Variants in NRG3 observed in about 807,000 individuals in gnomAD.
NRG3 encodes the protein pro-neuregulin-3, membrane-bound isoform.
Under a neutral mutation model 66.9 loss-of-function variants are expected in NRG3, and 31 were observed. The ratio of observed to expected loss-of-function variants is 0.46; its 90% CI spans 0.35 to 0.63. The LOEUF (loss-of-function observed/expected upper bound fraction) is 0.63, where lower values mean the gene tolerates loss of function less well. NRG3 is among the 20% of genes least tolerant of loss of function. The pLI, the probability that NRG3 is intolerant of heterozygous loss-of-function variation, is 0.00. For synonymous variants in NRG3, 393 were observed against 359.4 expected, an observed-to-expected ratio of 1.09 and a Z score of -1.06; for missense variants, 910 against 878.9, an observed-to-expected ratio of 1.04 and a Z score of -0.45.
intron 1 of NRG3, among the ~76,000 whole-genome samples, chr10:82,081,386 G>A (rs1405323652): frequency 6.6e-6 from 1 of 150,974 alleles, no homozygotes; most frequent in Non-Finnish European, 1.5e-5. Context: ...TTTTTTTCCA[G>A]TTACAGGGAA....
chr10:82,890,856 G>A (rs1036759339), intron 4 of NRG3, among the ~76,000 whole-genome samples: 5 of 152,170 alleles, frequency 3.3e-5, no homozygotes, highest in Admixed American at 1.3e-4. Context: ...TTTGTGTGTA[G>A]TGATATCTTA....
At chr10:82,312,797 C>T (rs1238953126) in intron 1 of NRG3, among the ~76,000 whole-genome samples, 2 of 151,574 alleles carry the variant, frequency 1.3e-5, no homozygotes, top group Non-Finnish European at 2.9e-5. Flanking sequence ...TCTATTTGTA[C>T]AGCATTAGTA....
chr10:82,792,652 TA>T (rs2060631770), intron 3 of NRG3, among the ~76,000 whole-genome samples: 1 of 152,034 alleles, frequency 6.6e-6, no homozygotes, highest in South Asian at 2.1e-4. Flanking sequence ...ATGATTTAAT[TA>T]TTTTTTTATT....
chr10:82,220,476 T>C (rs370338961), intron 1 of NRG3, among the ~76,000 whole-genome samples: 64 of 152,084 alleles, frequency 4.2e-4, no homozygotes, highest in African/African-American at 1.4e-3. Flanking sequence ...TGAAATCAAG[T>C]GTATTGTGTT....
chr10:82,968,123 T>C (rs1165562322), intron 6 of NRG3, among the ~76,000 whole-genome samples: 1 of 152,214 alleles, frequency 6.6e-6, no homozygotes, highest in East Asian at 1.9e-4. Context: ...TTTTTCTTAT[T>C]GCTAGGACAG....
At chr10:82,131,000 C>T (rs1373038142) in intron 1 of NRG3, among the ~76,000 whole-genome samples, 1 of 152,042 alleles carries the variant, frequency 6.6e-6, no homozygotes, top group African/African-American at 2.4e-5. Flanking sequence ...GTTGTCAATT[C>T]ACTTTGTTGA....
chr10:82,330,350 A>C lies in NRG3; in HGVS notation c.824-28389A>C, dbSNP rs558907901. 3.2e-4 allele frequency among the ~76,000 whole-genome samples: 48 copies of C among 148,326 alleles called. No individual in the cohort carries two copies. In the Middle Eastern group the frequency reaches 0.017, roughly 54 times the overall value. On this transcript the variant is annotated intron_variant, in intron 1 of 8. Coordinates refer to ENST00000372141, the MANE Select transcript of NRG3 (RefSeq NM_001010848.4). ...TTTGCTATATTTACCTGATTTTTAT[A>C]GTCATGATTACATAATATGTTTTTC...
rs948473617 is a variant in NRG3 at position 82,767,682 on chromosome 10, G to T, written c.1027+29032G>T. Among the ~76,000 whole-genome samples, 8 of 151,886 alleles carry T rather than the reference G, an allele frequency of 5.3e-5. No individual in the cohort carries two copies. The East Asian group carries it at 1.2e-3, about 22-fold the overall frequency. On this transcript the variant is annotated intron_variant, in intron 3 of 8. Transcript: ENST00000372141. ...CCATTTCTTTTATTTATTGAGAAATGTTCATATATTCCTAGTCTTTTATTT... is the reference window on the plus strand; with the variant it reads ...CCATTTCTTTTATTTATTGAGAAATTTTCATATATTCCTAGTCTTTTATTT...
chr10:82,780,474 TC>T (rs2060076708), intron 3 of NRG3, among the ~76,000 whole-genome samples: 2 of 145,824 alleles, frequency 1.4e-5, no homozygotes, highest in African/African-American at 2.6e-5. Context: ...TTTTTTTTTT[TC>T]TTTTCTTTTT....
intron 1 of NRG3, among the ~76,000 whole-genome samples, chr10:82,341,473 T>C (rs780560011): frequency 2.0e-5 from 3 of 152,104 alleles, no homozygotes; most frequent in Non-Finnish European, 4.4e-5. Flanking sequence ...TATATTGGAT[T>C]AATAGGTTTA....
intron 1 of NRG3, among the ~76,000 whole-genome samples, chr10:81,906,987 T>C (rs1844658626): frequency 6.6e-6 from 1 of 152,080 alleles, no homozygotes; most frequent in African/African-American, 2.4e-5. Flanking sequence ...ACCAGCTACT[T>C]TTGGAGAGAG....
chr10:82,938,241 T>C (rs1592023886), intron 4 of NRG3, among the ~76,000 whole-genome samples: 1 of 152,030 alleles, frequency 6.6e-6, no homozygotes, highest in Admixed American at 6.6e-5. Flanking sequence ...AGACCTGAGG[T>C]TTTCAACTTC....
intron 2 of NRG3, among the ~76,000 whole-genome samples, chr10:82,682,147 CAA>C (rs1279686708): frequency 6.6e-6 from 1 of 152,170 alleles, no homozygotes; most frequent in African/African-American, 2.4e-5. Context: ...AGGAGGAAAA[CAA>C]AGAGACTTTA....
At chr10:82,280,757 A>T (rs1487294770) in intron 1 of NRG3, among the ~76,000 whole-genome samples, 1 of 152,154 alleles carries the variant, frequency 6.6e-6, no homozygotes, top group Non-Finnish European at 1.5e-5. Flanking sequence ...GCTCTCAATA[A>T]GGCAATTACT....
chr10:82,041,047 T>C (rs1304611454), intron 1 of NRG3, among the ~76,000 whole-genome samples: 2 of 152,146 alleles, frequency 1.3e-5, no homozygotes, highest in Non-Finnish European at 2.9e-5. Context: ...CATGCATATT[T>C]CTGCCATGAG....
Position 82,454,903 on chromosome 10 carries a change from C to T in NRG3, c.953+96035C>T, listed in dbSNP as rs142855277. 8.8e-3 allele frequency among the ~76,000 whole-genome samples: 1,347 copies of T among 152,266 alleles called. 29 individuals carry two copies. Among genetic ancestry groups the T allele is most frequent in the Admixed American group, 0.011 (162 of 15,304 alleles). On this transcript the variant is annotated intron_variant, in intron 2 of 8. Transcript: ENST00000372141. ...ATTAACCTGAGGAAAACATTTGCAACGTACTCTCATTGAGTTTTCACAATA... is the reference window on the plus strand; with the variant it reads ...ATTAACCTGAGGAAAACATTTGCAATGTACTCTCATTGAGTTTTCACAATA...
chr10:82,703,103 G>A (rs1013453919), intron 2 of NRG3, among the ~76,000 whole-genome samples: 5 of 149,220 alleles, frequency 3.4e-5, no homozygotes, highest in African/African-American at 1.2e-4. Context: ...TTTCTTACTG[G>A]CAGTCTGAGT....
chr10:82,178,266 A>C (rs988410752), intron 1 of NRG3, among the ~76,000 whole-genome samples: 1 of 152,188 alleles, frequency 6.6e-6, no homozygotes, highest in African/African-American at 2.4e-5. Flanking sequence ...CTTTTAACAA[A>C]ATTATAAGTA....
At chr10:82,777,818 G>A (rs980754872) in intron 3 of NRG3, among the ~76,000 whole-genome samples, 1 of 152,188 alleles carries the variant, frequency 6.6e-6, no homozygotes, top group African/African-American at 2.4e-5. Flanking sequence ...TGCAAGGTTG[G>A]CTGCATCAGC....
Sources: gnomAD v4.1 joint callset for allele counts (sites outside exome capture counted in the v4.1 genomes callset) on GRCh38, gnomAD v4.1.1 for gene constraint, MANE v1.5 for transcripts, NCBI Gene and HGNC (gene_info 2026-07-23, HGNC 2026-07-21) for gene names.